The following ACO2 variants were observed in gnomAD, a reference collection of about 807,000 sequenced individuals.
The protein encoded by ACO2 is aconitase 2, also known as aconitate hydratase, mitochondrial.
In ACO2, 31 loss-of-function variants were observed where a neutral mutation model predicts 84.5. The observed-to-expected ratio is 0.37, with a 90% CI of 0.28 to 0.50. ACO2 has a LOEUF of 0.50. ACO2 is among the 20% of genes least tolerant of loss of function. The pLI, the probability that ACO2 is intolerant of heterozygous loss-of-function variation, is 0.97. For synonymous variants in ACO2, 414 were observed against 412.7 expected (o/e 1.00, Z -0.04); for missense variants, 685 against 1,029.3 (o/e 0.67, Z 4.58).
chr22:41,481,058 T>C (rs2038081450), intron 1 of ACO2, among the ~76,000 whole-genome samples: 1 of 152,206 alleles, frequency 6.6e-6, no homozygotes, highest in South Asian at 2.1e-4. Flanking sequence ...GTGATCCACC[T>C]GTCTCGGCTT....
intron 1 of ACO2, among the ~76,000 whole-genome samples, chr22:41,497,317 C>T (rs2066321390): frequency 6.6e-6 from 1 of 152,134 alleles, no homozygotes; most frequent in Non-Finnish European, 1.5e-5. Context: ...GATCCACCTG[C>T]CTCAGCCTCC....
At chr22:41,514,697 A>G (rs1315952910) in intron 4 of ACO2, among the ~76,000 whole-genome samples, 3 of 152,090 alleles carry the variant, frequency 2.0e-5, no homozygotes, top group South Asian at 2.1e-4. Flanking sequence ...TTTCTTACCA[A>G]ATGTTTTGGG....
chr22:41,506,456 T>C (rs2066394032), intron 2 of ACO2, among the ~76,000 whole-genome samples: 1 of 152,152 alleles, frequency 6.6e-6, no homozygotes, highest in Non-Finnish European at 1.5e-5. Context: ...TGTTTCACCA[T>C]GTTAGCCAGG....
intron 2 of ACO2, among the ~76,000 whole-genome samples, chr22:41,504,203 T>C (rs986248278): frequency 2.0e-5 from 3 of 152,196 alleles, no homozygotes; most frequent in African/African-American, 7.2e-5. Context: ...GTGGTGTCTC[T>C]GGTGACAGAG....
chr22:41,500,322 TTTTA>T (rs2066344910), intron 2 of ACO2, among the ~76,000 whole-genome samples: 1 of 147,998 alleles, frequency 6.8e-6, no homozygotes, highest in Non-Finnish European at 1.5e-5. Context: ...TTTTATTTTA[TTTTA>T]TTTATATATA....
At chr22:41,513,256 C>T (rs2066449199) in intron 4 of ACO2, among the ~76,000 whole-genome samples, 1 of 152,256 alleles carries the variant, frequency 6.6e-6, no homozygotes, top group Admixed American at 6.5e-5. Flanking sequence ...ATGGCAGCTC[C>T]TGGGCCAAAG....
intron 1 of ACO2, among the ~76,000 whole-genome samples, chr22:41,480,678 G>A (rs1172830453): frequency 6.6e-6 from 1 of 152,128 alleles, no homozygotes; most frequent in Non-Finnish European, 1.5e-5. Flanking sequence ...TATATTTTTT[G>A]TAATAGAATG....
chr22:41,512,148 C>G (rs2066438126), intron 4 of ACO2, 180 bp downstream of exon 4: 1 of 518,082 alleles, frequency 1.9e-6, no homozygotes, highest in Non-Finnish European at 3.4e-6. Flanking sequence ...ATTATACGTG[C>G]TCATTTTCTG....
rs182618917 is a variant in ACO2 at position 41,491,862 on chromosome 22, G to T, written c.37-7864G>T. 2.2e-3 allele frequency among the ~76,000 whole-genome samples: 338 copies of T among 152,336 alleles called. 1 individual carries two copies. The highest frequency in any genetic ancestry group is 6.8e-3 in the Middle Eastern group (2 of 294). On this transcript the variant is annotated intron_variant, in intron 1 of 17. Coordinates refer to ENST00000216254, the MANE Select transcript of ACO2 (RefSeq NM_001098.3). ...TCCCCAGGGTCACAGCAGTTAAGTG[G>T]TGGAGCTGGGTTGGGCAATCTGACT...
chr22:41,488,995 C>T (rs1348264559), intron 1 of ACO2, among the ~76,000 whole-genome samples: 1 of 152,052 alleles, frequency 6.6e-6, no homozygotes, highest in Non-Finnish European at 1.5e-5. Context: ...TTTTACAAAA[C>T]CTTCCAGGTG....
intron 1 of ACO2, among the ~76,000 whole-genome samples, chr22:41,471,321 A>G (rs1296693151): frequency 1.3e-5 from 2 of 152,210 alleles, no homozygotes; most frequent in African/African-American, 4.8e-5. Context: ...TGAATGAACA[A>G]TATTATGCAG....
At chr22:41,520,876 C>T (rs927193949) in intron 9 of ACO2, among the ~76,000 whole-genome samples, 2 of 149,632 alleles carry the variant, frequency 1.3e-5, no homozygotes, top group Admixed American at 6.6e-5. Context: ...GGTGTGGAGG[C>T]GCATGCCTAT....
chr22:41,523,191 T>C lies in ACO2; in HGVS notation c.1297-14T>C, dbSNP rs2066541284. On this transcript the variant is annotated splice_polypyrimidine_tract_variant and intron_variant, in intron 10 of 17. Coordinates refer to ENST00000216254, the MANE Select transcript of ACO2 (RefSeq NM_001098.3). ...ACCCACCCTTGACATTCTGTCTTCC[T>C]CTCTCCCTGGCAGGCACAGATCTTG... 2 of 1,608,794 alleles carry C rather than the reference T, an allele frequency of 1.2e-6. No individual in the cohort carries two copies. Among genetic ancestry groups the C allele is most frequent in the Non-Finnish European group, 1.7e-6 (2 of 1,176,872 alleles).
intron 1 of ACO2, among the ~76,000 whole-genome samples, chr22:41,471,884 G>C (rs2146073387): frequency 6.6e-6 from 1 of 152,284 alleles, no homozygotes; most frequent in African/African-American, 2.4e-5. Flanking sequence ...GCCTAGATTT[G>C]AATACCGTAA....
At chr22:41,484,933 G>GT (rs1448380472) in intron 1 of ACO2, among the ~76,000 whole-genome samples, 1 of 143,152 alleles carries the variant, frequency 7.0e-6, no homozygotes, top group African/African-American at 2.6e-5. Context: ...GGAGTGCAAT[G>GT]GTGCAGTCTC....
At chr22:41,527,076 C>A in intron 15 of ACO2, 1 of 656,826 alleles carries the variant, frequency 1.5e-6, no homozygotes, top group Non-Finnish European at 2.6e-6. Context: ...CAAACAACCA[C>A]GTGCCTCTGT....
At chr22:41,527,672 T>C in intron 16 of ACO2, 1 of 796,328 alleles carries the variant, frequency 1.3e-6, no homozygotes, top group South Asian at 1.8e-5. Flanking sequence ...AGGGGGTTCT[T>C]TCTGATCATG....
chr22:41,501,767 C>A (rs2066355362), intron 2 of ACO2, among the ~76,000 whole-genome samples: 1 of 152,160 alleles, frequency 6.6e-6, no homozygotes, highest in African/African-American at 2.4e-5. Flanking sequence ...ACCCCATACT[C>A]CCTTTCTCAT....
chr22:41,482,178 C>T (rs780157950), intron 1 of ACO2, among the ~76,000 whole-genome samples: 13 of 152,214 alleles, frequency 8.5e-5, no homozygotes, highest in Non-Finnish European at 1.2e-4. Context: ...CTCCCTTACT[C>T]CCTGGAAGCC....
Sources: allele counts gnomAD v4.1 joint callset (sites outside exome capture counted in the v4.1 genomes callset), GRCh38; gene constraint gnomAD v4.1.1; transcripts MANE v1.5; gene names NCBI Gene and HGNC (gene_info 2026-07-23, HGNC 2026-07-21).